GALNT13: variants seen among roughly 807,000 people sequenced by gnomAD.
GALNT13 encodes the protein UDP-GalNAc:polypeptide N-acetylgalactosaminyltransferase 13.
A neutral mutation model predicts 64.2 loss-of-function variants in GALNT13; 28 were observed. That is an observed-to-expected ratio of 0.44 (90% CI 0.32 to 0.60). GALNT13 has a LOEUF of 0.60. Among genes scored for constraint, GALNT13 ranks in the 20% least tolerant of loss-of-function variants. The pLI is 0.05. For synonymous variants in GALNT13, 214 were observed against 224.6 expected (o/e 0.95, Z 0.42); for missense variants, 577 against 669.8 (o/e 0.86, Z 1.53).
chr2:153,817,119 G>A, the GALNT13 span, among the ~76,000 whole-genome samples: 1 of 152,194 alleles, frequency 6.6e-6, no homozygotes, highest in South Asian at 2.1e-4. Flanking sequence ...TCAGCCCTAA[G>A]CAAATGGCTC....
intron 8 of GALNT13, among the ~76,000 whole-genome samples, chr2:154,267,251 C>T (rs907117595): frequency 6.6e-6 from 1 of 152,052 alleles, no homozygotes; most frequent in Non-Finnish European, 1.5e-5. Context: ...ACTTGTGTAA[C>T]CATTGATTAG....
rs142007808 is a variant in GALNT13, at chr2:153,932,881, C to G, written c.-104-11513C>G. Among the ~76,000 whole-genome samples the G allele has an allele frequency of 4.1e-3, 617 of 152,036 alleles. 2 individuals are homozygous for G. Among genetic ancestry groups the G allele is most frequent in the African/African-American group, 0.014 (590 of 41,500 alleles). The stretch of plus-strand genomic sequence containing the variant: ...GACCTCAGGTGGTCCTCCTGCGTTG[C>G]CTTCCCAAAATGCTGGGATTACAGG... On this transcript the variant is annotated intron_variant, in intron 2 of 12. Transcript: ENST00000392825.
intron 10 of GALNT13, among the ~76,000 whole-genome samples, chr2:154,400,367 G>A (rs1699246639): frequency 6.6e-6 from 1 of 152,068 alleles, no homozygotes; most frequent in African/African-American, 2.4e-5. Context: ...AAATGAAATT[G>A]GGTGGCTTTA....
chr2:153,833,834 A>G, the GALNT13 span, among the ~76,000 whole-genome samples: 7 of 152,024 alleles, frequency 4.6e-5, no homozygotes, highest in African/African-American at 1.7e-4. Context: ...ATTTTGGGAG[A>G]TTTATATTTT....
chr2:153,323,652 A>C, the GALNT13 span, among the ~76,000 whole-genome samples: 1 of 152,038 alleles, frequency 6.6e-6, no homozygotes, highest in Non-Finnish European at 1.5e-5. Context: ...ATCCATCTTG[A>C]GTTAATTATT....
the GALNT13 span, among the ~76,000 whole-genome samples, chr2:153,591,515 T>C: frequency 2.6e-5 from 4 of 151,964 alleles, no homozygotes; most frequent in East Asian, 7.7e-4. Context: ...CAAGAAAAAG[T>C]TGGAGGCATT....
chr2:154,002,899 A>G (rs967399586), intron 3 of GALNT13, among the ~76,000 whole-genome samples: 6 of 152,222 alleles, frequency 3.9e-5, no homozygotes, highest in African/African-American at 9.6e-5. Flanking sequence ...GAACTTACTC[A>G]CTGCCCTTCT....
intron 1 of GALNT13, among the ~76,000 whole-genome samples, chr2:153,882,571 G>A (rs553088920): frequency 6.6e-6 from 1 of 151,300 alleles, no homozygotes; most frequent in Non-Finnish European, 1.5e-5. Flanking sequence ...AAGTCTTTTA[G>A]TCAACAAGAC....
the GALNT13 span, among the ~76,000 whole-genome samples, chr2:153,497,540 T>A: frequency 4.5e-3 from 570 of 125,534 alleles, 5 homozygotes; most frequent in Non-Finnish European, 6.8e-3. Context: ...TTTTTTTTTT[T>A]TTTTTTTTTT....
chr2:153,804,958 G>GT, the GALNT13 span, among the ~76,000 whole-genome samples: 1 of 151,830 alleles, frequency 6.6e-6, no homozygotes, highest in Non-Finnish European at 1.5e-5. Flanking sequence ...GAACCTAAAA[G>GT]TTTATTACAT....
At chr2:153,660,338 T>A in the GALNT13 span, among the ~76,000 whole-genome samples, 2 of 151,964 alleles carry the variant, frequency 1.3e-5, no homozygotes, top group African/African-American at 4.8e-5. Context: ...AGAAGAGGAA[T>A]GGTGGGAAAA....
the GALNT13 span, among the ~76,000 whole-genome samples, chr2:153,735,965 C>T: frequency 6.6e-6 from 1 of 152,294 alleles, no homozygotes; most frequent in South Asian, 2.1e-4. Context: ...TTCTTTCCCT[C>T]TTTGGAATAA....
chr2:153,490,980 AT>A, the GALNT13 span, among the ~76,000 whole-genome samples: 6 of 150,732 alleles, frequency 4.0e-5, no homozygotes, highest in Non-Finnish European at 8.8e-5. Flanking sequence ...AAAAAAAATT[AT>A]AAAGGAATAT....
At chr2:153,495,766 G>T in the GALNT13 span, among the ~76,000 whole-genome samples, 11 of 152,330 alleles carry the variant, frequency 7.2e-5, no homozygotes, top group East Asian at 2.1e-3. Flanking sequence ...GGGAATCATG[G>T]AATGCAAATG....
the GALNT13 span, among the ~76,000 whole-genome samples, chr2:153,208,323 G>A: frequency 2.0e-5 from 3 of 151,918 alleles, no homozygotes; most frequent in African/African-American, 7.3e-5. Context: ...CCAATCCCTG[G>A]CAACCTCTGA....
chr2:153,344,927 G>A, the GALNT13 span, among the ~76,000 whole-genome samples: 2 of 152,128 alleles, frequency 1.3e-5, no homozygotes, highest in Admixed American at 1.3e-4. Flanking sequence ...AATGATACTT[G>A]TATTTCAAGA....
intron 8 of GALNT13, among the ~76,000 whole-genome samples, chr2:154,266,206 A>AT (rs1278804456): frequency 6.6e-6 from 1 of 152,200 alleles, no homozygotes; most frequent in Admixed American, 6.5e-5. Flanking sequence ...TCCTTCTAAG[A>AT]TCAGGAATAA....
At chr2:153,217,745 T>C in the GALNT13 span, among the ~76,000 whole-genome samples, 1 of 152,206 alleles carries the variant, frequency 6.6e-6, no homozygotes, top group Non-Finnish European at 1.5e-5. Context: ...CTCTTAAATC[T>C]TTAGTTATTT....
the GALNT13 span, among the ~76,000 whole-genome samples, chr2:153,162,230 A>C: frequency 2.8e-3 from 431 of 152,318 alleles, 2 homozygotes; most frequent in African/African-American, 1.0e-2. Context: ...ATTTCTTGGT[A>C]CAGGGTTATT....
Sources: gnomAD v4.1 joint callset for allele counts (sites outside exome capture counted in the v4.1 genomes callset) on GRCh38, gnomAD v4.1.1 for gene constraint, MANE v1.5 for transcripts, NCBI Gene and HGNC (gene_info 2026-07-23, HGNC 2026-07-21) for gene names.